Variants in TXNDC16 observed in about 807,000 individuals in gnomAD.
TXNDC16 encodes thioredoxin domain-containing protein 16.
TXNDC16 carries 74 observed loss-of-function variants against 85.6 expected under a neutral mutation model. That is an observed-to-expected ratio of 0.86 (90% CI 0.72 to 1.05). The LOEUF is 1.05. TXNDC16 is among the 50% of genes least tolerant of loss of function. The pLI is 0.00. For missense variants in TXNDC16, 959 were observed against 947.0 expected (o/e 1.01, Z -0.17); for synonymous variants, 335 against 326.5 (o/e 1.03, Z -0.28).
At chr14:52,473,659 A>G (rs1291382674) in intron 14 of TXNDC16, among the ~76,000 whole-genome samples, 1 of 152,222 alleles carries the variant, frequency 6.6e-6, no homozygotes, top group East Asian at 1.9e-4. Context: ...TGCCTACAGT[A>G]TTACATCCCA....
chr14:52,464,305 A>G (rs963416279), intron 16 of TXNDC16, among the ~76,000 whole-genome samples: 1 of 152,192 alleles, frequency 6.6e-6, no homozygotes, highest in Non-Finnish European at 1.5e-5. Flanking sequence ...AGTTGCTACC[A>G]GATTGCTTAG....
rs1382737005 is a variant in TXNDC16, at chr14:52,439,445, A to C, written c.2004-51T>G. 4 of 1,491,610 alleles carry C rather than the reference A, an allele frequency of 2.7e-6. No homozygotes were observed. In the Admixed American group the frequency reaches 6.2e-5, roughly 23 times the overall value. The allele number at this position is 1,491,610 out of a possible 1,614,324, so 92.4% of individuals were successfully genotyped here. ...TTAATATTTCTTTCTACAACAAAAT[A>C]ATGAAAATAGTAATTCGTAGAACAT... On this transcript the variant is annotated intron_variant, in intron 19 of 20. Coordinates refer to ENST00000281741, the MANE Select transcript of TXNDC16 (RefSeq NM_020784.3).
chr14:52,464,942 C>CA (rs1178543451), intron 16 of TXNDC16, among the ~76,000 whole-genome samples: 5 of 150,404 alleles, frequency 3.3e-5, no homozygotes, highest in East Asian at 1.9e-4. Context: ...GACTCTGTCT[C>CA]AAAAAAAATA....
intron 6 of TXNDC16, among the ~76,000 whole-genome samples, chr14:52,525,202 TTTC>T (rs542625427): frequency 1.2e-4 from 18 of 152,242 alleles, no homozygotes; most frequent in African/African-American, 4.1e-4. Context: ...ACATTTGTTT[TTTC>T]TTCTTAACTG....
intron 14 of TXNDC16, among the ~76,000 whole-genome samples, chr14:52,472,214 T>C (rs1221456817): frequency 6.6e-6 from 1 of 151,934 alleles, no homozygotes; most frequent in Non-Finnish European, 1.5e-5. Context: ...TTTGTATATT[T>C]GAGATGTAGT....
At chr14:52,551,202 TA>T (rs2038036678) in intron 1 of TXNDC16, among the ~76,000 whole-genome samples, 1 of 151,940 alleles carries the variant, frequency 6.6e-6, no homozygotes, top group African/African-American at 2.4e-5. Context: ...AAATAGACTT[TA>T]AAGTTCCCTG....
At chr14:52,511,542 G>C in intron 8 of TXNDC16, 152 bp from the exon 9 acceptor site, 1 of 479,746 alleles carries the variant, frequency 2.1e-6, no homozygotes, top group Non-Finnish European at 3.6e-6. Context: ...AAATGAACTT[G>C]GGCAACAAAG....
intron 14 of TXNDC16, among the ~76,000 whole-genome samples, chr14:52,474,529 G>A (rs537106671): frequency 6.6e-6 from 1 of 152,218 alleles, no homozygotes; most frequent in African/African-American, 2.4e-5. Flanking sequence ...GATTACCTGA[G>A]GTCAGCAGTT....
chr14:52,433,836 T>C (rs1014483490), intron 20 of TXNDC16, among the ~76,000 whole-genome samples: 9 of 152,150 alleles, frequency 5.9e-5, no homozygotes, highest in Non-Finnish European at 1.2e-4. Flanking sequence ...GTAAGAAGAA[T>C]AACTGTAGTT....
At chr14:52,504,642 C>T (rs532546185) in intron 9 of TXNDC16, among the ~76,000 whole-genome samples, 3 of 152,192 alleles carry the variant, frequency 2.0e-5, no homozygotes, top group Non-Finnish European at 4.4e-5. Context: ...ACCATCAATG[C>T]TAGGAAGAAA....
chr14:52,480,309 G>C (rs916561355), intron 14 of TXNDC16, among the ~76,000 whole-genome samples: 1 of 152,010 alleles, frequency 6.6e-6, no homozygotes, highest in Non-Finnish European at 1.5e-5. Flanking sequence ...TAAAAACAAA[G>C]ATAAATAGCT....
intron 6 of TXNDC16, among the ~76,000 whole-genome samples, chr14:52,535,109 T>C (rs927828143): frequency 1.3e-5 from 2 of 152,210 alleles, no homozygotes; most frequent in African/African-American, 4.8e-5. Flanking sequence ...AGACTTCTTT[T>C]TCTGTTTCTT....
rs571179441 is a variant in TXNDC16, at chr14:52,483,753, T to TCATC, written c.1109-792_1109-789dup. 7.9e-5 allele frequency among the ~76,000 whole-genome samples: 12 copies of TCATC among 152,290 alleles called. No homozygotes were observed. In the East Asian group the frequency reaches 1.2e-3, roughly 15 times the overall value. ...TAGACCAATCAATAGACTGATAGATTCATCCATCCATCCATCCATCCAACC... is the reference window on the plus strand; with the variant it reads ...TAGACCAATCAATAGACTGATAGATTCATCCATCCATCCATCCATCCATCCAACC... On this transcript the variant is annotated intron_variant, in intron 12 of 20. Coordinates refer to ENST00000281741, the MANE Select transcript of TXNDC16 (RefSeq NM_020784.3).
chr14:52,541,006 C>T (rs906297522), intron 4 of TXNDC16, among the ~76,000 whole-genome samples: 2 of 152,180 alleles, frequency 1.3e-5, no homozygotes, highest in East Asian at 1.9e-4. Flanking sequence ...GAGGCCAAGG[C>T]GGGTGGATCA....
intron 9 of TXNDC16, among the ~76,000 whole-genome samples, chr14:52,504,192 A>G (rs1466885070): frequency 6.6e-6 from 1 of 152,222 alleles, no homozygotes; most frequent in Non-Finnish European, 1.5e-5. Context: ...AAGACAGGCC[A>G]ACATTCAGAT....
intron 16 of TXNDC16, among the ~76,000 whole-genome samples, chr14:52,468,617 C>T (rs946564433): frequency 6.6e-6 from 1 of 152,114 alleles, no homozygotes; most frequent in African/African-American, 2.4e-5. Flanking sequence ...GTGGCTCATG[C>T]CTATACTACC....
At chr14:52,477,590 T>C (rs1004513383) in intron 14 of TXNDC16, among the ~76,000 whole-genome samples, 5 of 152,206 alleles carry the variant, frequency 3.3e-5, no homozygotes, top group Non-Finnish European at 7.4e-5. Context: ...GGCGTCATTA[T>C]ATAATGATAA....
chr14:52,505,398 C>T (rs2036771516), intron 9 of TXNDC16, among the ~76,000 whole-genome samples: 1 of 152,184 alleles, frequency 6.6e-6, no homozygotes, highest in Non-Finnish European at 1.5e-5. Flanking sequence ...AACTAGAACT[C>T]AGGATTCAGA....
intron 6 of TXNDC16, among the ~76,000 whole-genome samples, chr14:52,534,490 T>C (rs887447596): frequency 7.2e-5 from 11 of 152,170 alleles, no homozygotes; most frequent in African/African-American, 2.2e-4. Flanking sequence ...GTGGCCCAGG[T>C]AAGCCAAAAA....
Sources: allele counts gnomAD v4.1 joint callset (sites outside exome capture counted in the v4.1 genomes callset), GRCh38; gene constraint gnomAD v4.1.1; transcripts MANE v1.5; gene names NCBI Gene and HGNC (gene_info 2026-07-23, HGNC 2026-07-21).